The following METTL2B variants were observed in gnomAD, a reference collection of about 807,000 sequenced individuals.
The protein encoded by METTL2B is methyltransferase 2B, tRNA N3-cytidine.
METTL2B carries 28 observed loss-of-function variants against 51.0 expected under a neutral mutation model. The observed-to-expected ratio is 0.55, with a 90% confidence interval of 0.41 to 0.75. METTL2B has a LOEUF of 0.75. Ranked by LOEUF, METTL2B falls within the 30% of genes least tolerant of loss-of-function variation. METTL2B has a pLI of 0.00. For synonymous variants in METTL2B, 128 were observed against 166.3 expected, an observed-to-expected ratio of 0.77 and a Z score of 1.77; for missense variants, 313 against 460.7, an observed-to-expected ratio of 0.68 and a Z score of 2.93.
intron 6 of METTL2B, among the ~76,000 whole-genome samples, chr7:128,494,902 G>A (rs1792896354): frequency 6.6e-6 from 1 of 151,858 alleles, no homozygotes. Context: ...TGGGATTACA[G>A]GTGTGAGCCA....
chr7:128,490,547 A>G (rs1792810129), intron 5 of METTL2B, among the ~76,000 whole-genome samples: 1 of 152,124 alleles, frequency 6.6e-6, no homozygotes, highest in Non-Finnish European at 1.5e-5. Context: ...TACAGCCCCA[A>G]GTTCCTGGTA....
intron 2 of METTL2B, among the ~76,000 whole-genome samples, chr7:128,478,593 G>A (rs866467226): frequency 1.4e-5 from 2 of 147,228 alleles, no homozygotes; most frequent in Admixed American, 6.9e-5. Context: ...GGCTGGGCGC[G>A]ATGACTCATG....
In METTL2B at chr7:128,502,051, G is replaced by C; in HGVS notation, c.*135G>C. The C allele has an allele frequency of 2.3e-6, 3 of 1,322,448 alleles. No individual in the cohort carries two copies. The highest frequency in any genetic ancestry group is 3.1e-6 in the Non-Finnish European group (3 of 970,750). 81.9% of individuals were successfully genotyped at this position (1,322,448 alleles called of 1,614,324 possible). ...GGCTGAGGCAGGGAGGATCCATTGA[G>C]CCCAGGAGTCCAGCCTGGGCAAAAT... On this transcript the variant is annotated 3_prime_UTR_variant, in exon 9 of 9. Transcript: ENST00000262432.
chr7:128,499,600 C>CTGCAAT (rs77339840), intron 7 of METTL2B, among the ~76,000 whole-genome samples: 1 of 148,284 alleles, frequency 6.7e-6, no homozygotes, highest in African/African-American at 2.5e-5. Context: ...CTCACTGCAA[C>CTGCAAT]GTCTGTCTCT....
At position 128,502,688 on chromosome 7, in the gene METTL2B, C is replaced by T. The variant is rs1476140137; in HGVS notation, c.*772C>T. On this transcript the variant is annotated 3_prime_UTR_variant, in exon 9 of 9. Coordinates refer to ENST00000262432, the MANE Select transcript of METTL2B (RefSeq NM_018396.3). ...CCGAGGCGGGCAGATCACCTGAGGT[C>T]AGGAGTTCGAGACCAGCGTGGCCAA... The T allele has an allele frequency of 7.0e-6, 3 of 429,382 alleles. No individual in the cohort carries two copies. The highest frequency in any genetic ancestry group is 5.6e-5 in the Admixed American group (2 of 35,750). 26.6% of individuals were successfully genotyped at this position (429,382 alleles called of 1,614,324 possible).
chr7:128,502,730 C>G lies in METTL2B; in HGVS notation c.*814C>G, dbSNP rs1320662525. 5.3e-6 allele frequency: 2 copies of G among 380,786 alleles called. No individual in the cohort carries two copies. Among genetic ancestry groups the G allele is most frequent in the African/African-American group, 4.4e-5 (2 of 45,716 alleles). The allele number at this position is 380,786 out of a possible 1,614,324, so 23.6% of individuals were successfully genotyped here. On this transcript the variant is annotated 3_prime_UTR_variant, in exon 9 of 9. Transcript: ENST00000262432. The stretch of plus-strand genomic sequence containing the variant: ...CGTGGCCAACATGGTGAAACCCCGT[C>G]TCTACTAAAGATAAAAAAATTAGCT...
chr7:128,498,945 C>T (rs1327565439), intron 7 of METTL2B, among the ~76,000 whole-genome samples: 5 of 150,040 alleles, frequency 3.3e-5, no homozygotes, highest in African/African-American at 7.4e-5. Flanking sequence ...TGCAGTGAGC[C>T]GAGATCGCAC....
chr7:128,501,739 A>T, intron 8 of METTL2B, 23 bp from the exon 9 acceptor site: 1 of 1,611,762 alleles, frequency 6.2e-7, no homozygotes, highest in Non-Finnish European at 8.5e-7. Flanking sequence ...AAATGCATAA[A>T]CATCTTTTAT....
At chr7:128,499,416 G>C (rs574933240) in intron 7 of METTL2B, among the ~76,000 whole-genome samples, 3 of 151,804 alleles carry the variant, frequency 2.0e-5, no homozygotes, top group Non-Finnish European at 1.5e-5. Context: ...GCAATGGCGC[G>C]ATCTCGGCTC....
chr7:128,502,751 T>C lies in METTL2B; in HGVS notation c.*835T>C, dbSNP rs1265505101. ...CCGTCTCTACTAAAGATAAAAAAAT[T>C]AGCTGGGTGTGTTGGTGGGTGCCTG... On this transcript the variant is annotated 3_prime_UTR_variant, in exon 9 of 9. Coordinates refer to ENST00000262432, the MANE Select transcript of METTL2B (RefSeq NM_018396.3). The C allele has an allele frequency of 5.8e-6, 2 of 345,402 alleles. No homozygotes were observed. The highest frequency in any genetic ancestry group is 1.1e-5 in the Non-Finnish European group (2 of 178,632). The allele number at this position is 345,402 out of a possible 1,614,324, so 21.4% of individuals were successfully genotyped here.
At chr7:128,480,572 A>G (rs967929939) in intron 3 of METTL2B, 75 bp from the exon 4 acceptor site, 30 of 1,606,698 alleles carry the variant, frequency 1.9e-5, no homozygotes, top group Non-Finnish European at 2.3e-5. Flanking sequence ...GTTGATTATT[A>G]TTTTTCTAGC....
intron 4 of METTL2B, among the ~76,000 whole-genome samples, chr7:128,486,682 G>T (rs3097360): frequency 1 from 152,262 of 152,262 alleles, 76,131 homozygotes; most frequent in Non-Finnish European, 1. Flanking sequence ...TCCAGCACCT[G>T]GGGAGGCCGA....
At chr7:128,495,579 C>A (rs1291353641) in intron 6 of METTL2B, among the ~76,000 whole-genome samples, 1 of 151,966 alleles carries the variant, frequency 6.6e-6, no homozygotes, top group Non-Finnish European at 1.5e-5. Flanking sequence ...GCCTCCTGAG[C>A]AGCTGGGATT....
At chr7:128,477,271 A>C in intron 2 of METTL2B, 98 bp downstream of exon 2, 1 of 1,509,066 alleles carries the variant, frequency 6.6e-7, no homozygotes, top group Non-Finnish European at 9.1e-7. Context: ...CACATCCTTT[A>C]TTCCTGGCCT....
chr7:128,490,228 T>A (rs1268128511), intron 5 of METTL2B, among the ~76,000 whole-genome samples: 1 of 151,564 alleles, frequency 6.6e-6, no homozygotes, highest in Non-Finnish European at 1.5e-5. Flanking sequence ...TCCTTATAGA[T>A]AAGGATGCTG....
At chr7:128,500,778 T>C in intron 7 of METTL2B, 125 bp from the exon 8 acceptor site, 1 of 1,044,774 alleles carries the variant, frequency 9.6e-7, no homozygotes, top group Non-Finnish European at 1.4e-6. Context: ...GAGCTGCTCT[T>C]CCCGAAGCAC....
chr7:128,482,741 C>G (rs1023145103), intron 4 of METTL2B, among the ~76,000 whole-genome samples: 5 of 152,152 alleles, frequency 3.3e-5, no homozygotes, highest in African/African-American at 9.7e-5. Flanking sequence ...GCCGTGTCGG[C>G]TAGGCTGGTC....
At chr7:128,501,665 A>G in intron 8 of METTL2B, 97 bp from the exon 9 acceptor site, 1 of 1,532,986 alleles carries the variant, frequency 6.5e-7, no homozygotes, top group South Asian at 1.3e-5. Context: ...AAAACACGAC[A>G]GCAACTTCCC....
chr7:128,492,159 ATT>A (rs540232615), intron 5 of METTL2B, among the ~76,000 whole-genome samples: 4 of 139,456 alleles, frequency 2.9e-5, no homozygotes, highest in Non-Finnish European at 3.1e-5. Flanking sequence ...CACCTGGCTA[ATT>A]TTTTTTTTTT....
Sources: allele counts gnomAD v4.1 joint callset (sites outside exome capture counted in the v4.1 genomes callset), GRCh38; gene constraint gnomAD v4.1.1; transcripts MANE v1.5; gene names NCBI Gene and HGNC (gene_info 2026-07-23, HGNC 2026-07-21).